PTK2B: variants seen among roughly 807,000 people sequenced by gnomAD.
The protein encoded by PTK2B is protein tyrosine kinase 2 beta.
In PTK2B, 71 loss-of-function variants were observed where a neutral mutation model predicts 142.9. The ratio of observed to expected loss-of-function variants is 0.50; its 90% CI spans 0.41 to 0.61. PTK2B has a LOEUF of 0.61. Ranked by LOEUF, PTK2B falls within the 20% of genes least tolerant of loss-of-function variation. PTK2B has a pLI of 0.00. For synonymous variants in PTK2B, 519 were observed against 503.4 expected (o/e 1.03, Z -0.42); for missense variants, 1,105 against 1,320.4 (o/e 0.84, Z 2.53).
At chr8:27,445,114 A>G (rs2132325336) in intron 23 of PTK2B, among the ~76,000 whole-genome samples, 1 of 152,352 alleles carries the variant, frequency 6.6e-6, no homozygotes, top group Non-Finnish European at 1.5e-5. Context: ...ACACACCTGT[A>G]GTCCCAGCTA....
chr8:27,359,437 T>C (rs541138672), intron 1 of PTK2B, among the ~76,000 whole-genome samples: 1 of 152,340 alleles, frequency 6.6e-6, no homozygotes, highest in African/African-American at 2.4e-5. Context: ...CTTTTTATTG[T>C]CTTAAGTTAT....
At chr8:27,416,875 A>G (rs575656036) in intron 2 of PTK2B, among the ~76,000 whole-genome samples, 1 of 152,390 alleles carries the variant, frequency 6.6e-6, no homozygotes, top group African/African-American at 2.4e-5. Context: ...ATCATTAGTC[A>G]TCAGAGAGAT....
chr8:27,429,737 C>CT, intron 5 of PTK2B, among the ~76,000 whole-genome samples: 1 of 152,268 alleles, frequency 6.6e-6, no homozygotes, highest in Admixed American at 6.5e-5. Context: ...CCCCCCAGGA[C>CT]CTGCAGGTGA....
chr8:27,381,076 CTG>C (rs1331722641), intron 1 of PTK2B, among the ~76,000 whole-genome samples: 2 of 152,070 alleles, frequency 1.3e-5, no homozygotes, highest in African/African-American at 2.4e-5. Flanking sequence ...TGCATAATAA[CTG>C]TACATATTTA....
intron 23 of PTK2B, among the ~76,000 whole-genome samples, chr8:27,444,760 C>G (rs763378521): frequency 6.6e-6 from 1 of 152,194 alleles, no homozygotes; most frequent in Non-Finnish European, 1.5e-5. Context: ...CCCTGAATGT[C>G]TCTGTTCTGT....
Position 27,430,878 on chromosome 8 carries a change from C to T in PTK2B, c.672C>T (p.Pro224=), listed in dbSNP as rs1265686415. 6.2e-7 allele frequency: 1 copy of T among 1,613,746 alleles called. No individual in the cohort carries two copies. Among genetic ancestry groups the T allele is most frequent in the South Asian group, 1.1e-5 (1 of 91,038 alleles). The change falls in exon 8 of 31, where the codon CCC becomes CCT. Residue 224 remains proline, a splice_region_variant and synonymous_variant. Coordinates refer to ENST00000346049, the MANE Select transcript of PTK2B (RefSeq NM_173176.3). ...FPKQMQENLK[P]KQFRKMIQQT... ...ACACGGCCCATCCCCTCCCCCAGCCCAAACAGTTCCGGAAGATGATCCAGC... is the reference window on the plus strand; with the variant it reads ...ACACGGCCCATCCCCTCCCCCAGCCTAAACAGTTCCGGAAGATGATCCAGC...
At chr8:27,413,414 G>A (rs1359022724) in intron 2 of PTK2B, among the ~76,000 whole-genome samples, 1 of 152,214 alleles carries the variant, frequency 6.6e-6, no homozygotes, top group Non-Finnish European at 1.5e-5. Context: ...TGATCCAGGA[G>A]CACACATTGC....
At chr8:27,366,170 G>C (rs956216031) in intron 1 of PTK2B, among the ~76,000 whole-genome samples, 2 of 152,174 alleles carry the variant, frequency 1.3e-5, no homozygotes, top group African/African-American at 4.8e-5. Context: ...CTTGGGTCTT[G>C]GGGTGGCACA....
At chr8:27,437,304 G>A (rs1467925037) in intron 16 of PTK2B, 92 bp from the exon 17 acceptor site, 23 of 1,547,236 alleles carry the variant, frequency 1.5e-5, no homozygotes, top group East Asian at 4.5e-5. Context: ...TGGAGGAGGG[G>A]TTCCCGTCCT....
intron 5 of PTK2B, among the ~76,000 whole-genome samples, chr8:27,425,776 T>C (rs1810048376): frequency 6.6e-6 from 1 of 152,204 alleles, no homozygotes; most frequent in Admixed American, 6.5e-5. Flanking sequence ...ACTCCACCTA[T>C]CCATCCCTCC....
intron 1 of PTK2B, among the ~76,000 whole-genome samples, chr8:27,380,204 T>C (rs913218401): frequency 1.3e-5 from 2 of 152,204 alleles, no homozygotes; most frequent in African/African-American, 4.8e-5. Flanking sequence ...CAGCCCTGGC[T>C]TCCTGGTGCT....
At chr8:27,359,177 G>A (rs1474524771) in intron 1 of PTK2B, among the ~76,000 whole-genome samples, 4 of 152,020 alleles carry the variant, frequency 2.6e-5, no homozygotes, top group Non-Finnish European at 5.9e-5. Context: ...GTGCAGTGGC[G>A]CGATCTCAGC....
At chr8:27,419,316 C>T (rs1809598723) in intron 2 of PTK2B, among the ~76,000 whole-genome samples, 1 of 152,184 alleles carries the variant, frequency 6.6e-6, no homozygotes, top group South Asian at 2.1e-4. Context: ...CTTTTCCAGC[C>T]CCACCACTCC....
chr8:27,414,932 AAAAAG>A (rs1285527372), intron 2 of PTK2B, among the ~76,000 whole-genome samples: 2 of 152,188 alleles, frequency 1.3e-5, no homozygotes, highest in East Asian at 3.9e-4. Flanking sequence ...CAAAGGAAGG[AAAAAG>A]AAAAGAAGAT....
intron 1 of PTK2B, among the ~76,000 whole-genome samples, chr8:27,345,557 C>G (rs896750555): frequency 2.0e-4 from 31 of 152,162 alleles, no homozygotes; most frequent in Non-Finnish European, 5.9e-5. Flanking sequence ...CCTGTAAAGG[C>G]AAGCTGAGCC....
At position 27,450,896 on chromosome 8, in the gene PTK2B, G is replaced by T. The variant is rs752381963; in HGVS notation, c.2487+1G>T. On this transcript the variant is annotated splice_donor_variant, in intron 25 of 30. Transcript: ENST00000346049. LOFTEE classifies it high-confidence loss of function. Reference sequence around the variant, plus strand: ...GCTCAGGCAGGAGGAGAAGTCCCTGGTGAGCACCCCAGGAAGGATGTCGGT... The same window carrying T: ...GCTCAGGCAGGAGGAGAAGTCCCTGTTGAGCACCCCAGGAAGGATGTCGGT... 14 of 1,614,048 alleles carry T rather than the reference G, an allele frequency of 8.7e-6. No homozygotes were observed. Among genetic ancestry groups the T allele is most frequent in the Non-Finnish European group, 1.2e-5 (14 of 1,180,024 alleles).
At chr8:27,400,544 G>C (rs1428728417) in intron 2 of PTK2B, among the ~76,000 whole-genome samples, 1 of 152,016 alleles carries the variant, frequency 6.6e-6, no homozygotes, top group Non-Finnish European at 1.5e-5. Context: ...TAAGAGAATG[G>C]TGTTGGGAAT....
intron 3 of PTK2B, among the ~76,000 whole-genome samples, chr8:27,313,777 A>G (rs1239878525): frequency 6.6e-6 from 1 of 152,146 alleles, no homozygotes; most frequent in Admixed American, 6.5e-5. Flanking sequence ...CTGAAATTTT[A>G]TTGGAAGCTG....
chr8:27,357,079 A>AT (rs1805434496), intron 1 of PTK2B, among the ~76,000 whole-genome samples: 1 of 152,242 alleles, frequency 6.6e-6, no homozygotes, highest in Non-Finnish European at 1.5e-5. Context: ...ATGTAAAAAA[A>AT]ATAATGAAAA....
Sources: allele counts gnomAD v4.1 joint callset (sites outside exome capture counted in the v4.1 genomes callset), GRCh38; gene constraint gnomAD v4.1.1; transcripts MANE v1.5; gene names NCBI Gene and HGNC (gene_info 2026-07-23, HGNC 2026-07-21).